Variants in SEMA5A observed in about 807,000 individuals in gnomAD.
SEMA5A encodes the protein semaphorin-5A.
Under a neutral mutation model 135.5 loss-of-function variants are expected in SEMA5A, and 55 were observed. That is an observed-to-expected ratio of 0.41 (90% CI 0.33 to 0.51). The LOEUF is 0.51. SEMA5A is among the 20% of genes least tolerant of loss of function. The probability of loss-of-function intolerance (pLI) is 0.37; values close to 1 mark genes in which losing one functional copy is unlikely to be tolerated. For synonymous variants in SEMA5A, 580 were observed against 546.5 expected, an observed-to-expected ratio of 1.06 and a Z score of -0.85; for missense variants, 1,290 against 1,419.9, an observed-to-expected ratio of 0.91 and a Z score of 1.47.
intron 4 of SEMA5A, among the ~76,000 whole-genome samples, chr5:9,320,975 C>T (rs1752604891): frequency 6.6e-6 from 1 of 152,218 alleles, no homozygotes; most frequent in East Asian, 1.9e-4. Flanking sequence ...CCACCCAAAT[C>T]TCATCTTGAA....
intron 6 of SEMA5A, among the ~76,000 whole-genome samples, chr5:9,237,288 C>A (rs1439941342): frequency 6.6e-6 from 1 of 152,134 alleles, no homozygotes; most frequent in African/African-American, 2.4e-5. Context: ...TTGAAAGAAG[C>A]CTGCAACATG....
rs1329601418 is a variant in SEMA5A at position 9,204,100 on chromosome 5, G to A, written c.647-1860C>T. Among the ~76,000 whole-genome samples, 3 of 152,126 alleles carry A rather than the reference G, an allele frequency of 2.0e-5. No individual in the cohort carries two copies. Among genetic ancestry groups the A allele is most frequent in the African/African-American group, 7.2e-5 (3 of 41,418 alleles). ...ACCATGTGTAAAGAAAATAATACTG[G>A]CATGTCTAATTCTAAATAAGAGTCT... On this transcript the variant is annotated intron_variant, in intron 8 of 22. Transcript: ENST00000382496. The surrounding 1 kb of genome is among the most constrained non-coding windows in gnomAD (Gnocchi z 6.4).
At chr5:9,266,479 A>G (rs181036720) in intron 5 of SEMA5A, among the ~76,000 whole-genome samples, 2 of 152,232 alleles carry the variant, frequency 1.3e-5, no homozygotes, top group Admixed American at 1.3e-4. Flanking sequence ...CAATCTAATG[A>G]TAAAATGCTA....
chr5:9,160,501 C>T (rs1743194208), intron 11 of SEMA5A, among the ~76,000 whole-genome samples: 1 of 152,106 alleles, frequency 6.6e-6, no homozygotes, highest in Non-Finnish European at 1.5e-5. Flanking sequence ...GGATGATTTC[C>T]TAAAGAAACA....
At chr5:9,527,172 A>G (rs1737180103) in intron 1 of SEMA5A, among the ~76,000 whole-genome samples, 1 of 152,058 alleles carries the variant, frequency 6.6e-6, no homozygotes, top group Non-Finnish European at 1.5e-5. Flanking sequence ...CCAGGTCCCG[A>G]GTGTGCTGAG....
intron 5 of SEMA5A, among the ~76,000 whole-genome samples, chr5:9,293,596 AGTTTGT>A (rs1351977350): frequency 2.0e-5 from 3 of 152,204 alleles, no homozygotes; most frequent in Admixed American, 6.5e-5. Context: ...ATTTTGTCAC[AGTTTGT>A]GTTTGTGTAA....
intron 20 of SEMA5A, 114 bp from the exon 21 acceptor site, chr5:9,050,571 C>A: frequency 1.0e-5 from 9 of 892,878 alleles, no homozygotes; most frequent in Non-Finnish European, 1.1e-5. Context: ...CACAAAGTTT[C>A]AAAAGCTTGA....
intron 1 of SEMA5A, among the ~76,000 whole-genome samples, chr5:9,438,239 A>AT (rs143286656): frequency 0.27 from 40,941 of 151,958 alleles, 6,324 homozygotes; most frequent in East Asian, 0.44. Flanking sequence ...GACTCATTCC[A>AT]CTTTTTGGAA....
chr5:9,328,261 C>A (rs1465584290), intron 4 of SEMA5A, among the ~76,000 whole-genome samples: 1 of 152,178 alleles, frequency 6.6e-6, no homozygotes. Context: ...AGTCTAAGCA[C>A]CCTCTACTCT....
chr5:9,367,768 G>A (rs1289589438), intron 3 of SEMA5A, among the ~76,000 whole-genome samples: 3 of 152,202 alleles, frequency 2.0e-5, no homozygotes, highest in African/African-American at 7.2e-5. Flanking sequence ...TGAGGGTGGG[G>A]CCTAGTGGGC....
chr5:9,482,038 C>T (rs1027425345), intron 1 of SEMA5A, among the ~76,000 whole-genome samples: 20 of 152,134 alleles, frequency 1.3e-4, no homozygotes, highest in South Asian at 2.1e-4. Flanking sequence ...TTCAGTGCCT[C>T]ATGAAATTTC....
At chr5:9,531,179 A>C (rs999830604) in intron 1 of SEMA5A, among the ~76,000 whole-genome samples, 2 of 152,210 alleles carry the variant, frequency 1.3e-5, no homozygotes, top group Non-Finnish European at 2.9e-5. Context: ...AAGCACTCTG[A>C]CCAGAAACAG....
chr5:9,178,724 G>A (rs1344606236), intron 11 of SEMA5A, among the ~76,000 whole-genome samples: 1 of 152,186 alleles, frequency 6.6e-6, no homozygotes, highest in Non-Finnish European at 1.5e-5. Flanking sequence ...CACAACAAAT[G>A]ATATGGATGA....
chr5:9,504,608 C>T (rs1290647200), intron 1 of SEMA5A, among the ~76,000 whole-genome samples: 2 of 152,204 alleles, frequency 1.3e-5, no homozygotes, highest in African/African-American at 4.8e-5. Context: ...GTAGGACTTA[C>T]ACAGAGTGGT....
intron 5 of SEMA5A, among the ~76,000 whole-genome samples, chr5:9,309,896 A>G (rs1236116125): frequency 9.8e-5 from 1 of 10,218 alleles, no homozygotes; most frequent in Non-Finnish European, 9.0e-4. Context: ...CACCAAGGGA[A>G]CAGATATAAG....
At chr5:9,428,298 T>C (rs1757740300) in intron 2 of SEMA5A, among the ~76,000 whole-genome samples, 1 of 152,152 alleles carries the variant, frequency 6.6e-6, no homozygotes. Context: ...TTCAGTCTTC[T>C]GAGCTTGGCT....
chr5:9,172,427 A>G (rs1743976558), intron 11 of SEMA5A, among the ~76,000 whole-genome samples: 1 of 152,238 alleles, frequency 6.6e-6, no homozygotes, highest in Non-Finnish European at 1.5e-5. Context: ...GGACAAGGTC[A>G]GATTTTTAAA....
chr5:9,377,919 C>T (rs76106138), intron 3 of SEMA5A, among the ~76,000 whole-genome samples: 2 of 152,246 alleles, frequency 1.3e-5, no homozygotes, highest in Non-Finnish European at 2.9e-5. Flanking sequence ...AACATCTTGT[C>T]AACCCAGAGA....
intron 4 of SEMA5A, among the ~76,000 whole-genome samples, chr5:9,319,590 G>A (rs1051492588): frequency 2.6e-5 from 4 of 152,016 alleles, no homozygotes; most frequent in Non-Finnish European, 4.4e-5. Context: ...AAGATGGGGC[G>A]GGGATGTGCA....
Sources: gnomAD v4.1 joint callset for allele counts (sites outside exome capture counted in the v4.1 genomes callset) on GRCh38, gnomAD v4.1.1 for gene constraint, Gnocchi (gnomAD v3.1) non-coding constraint, MANE v1.5 for transcripts, NCBI Gene and HGNC (gene_info 2026-07-23, HGNC 2026-07-21) for gene names.